The following CTTNBP2NL variants were observed in gnomAD, a reference collection of about 807,000 sequenced individuals.
CTTNBP2NL encodes CTTNBP2 N-terminal-like protein.
CTTNBP2NL carries 16 observed loss-of-function variants against 32.5 expected under a neutral mutation model. The ratio of observed to expected loss-of-function variants is 0.49; its 90% confidence interval spans 0.33 to 0.75. CTTNBP2NL has a LOEUF of 0.75. CTTNBP2NL is among the 30% of genes least tolerant of loss of function. The pLI is 0.02. For missense variants in CTTNBP2NL, 645 were observed against 756.0 expected (o/e 0.85, Z 1.72); for synonymous variants, 298 against 289.4 (o/e 1.03, Z -0.30).
At chr1:112,411,411 A>G (rs1382009824) in intron 1 of CTTNBP2NL, among the ~76,000 whole-genome samples, 7 of 152,252 alleles carry the variant, frequency 4.6e-5, no homozygotes, top group East Asian at 1.9e-4. Context: ...AAAAAATTAC[A>G]TATAATTTAA....
chr1:112,435,032 A>G (rs889501670), intron 3 of CTTNBP2NL, among the ~76,000 whole-genome samples: 1 of 150,986 alleles, frequency 6.6e-6, no homozygotes, highest in Non-Finnish European at 1.5e-5. Flanking sequence ...AATCCCAGCT[A>G]CTCTGGAGGC....
At chr1:112,399,711 C>G (rs1027899480) in intron 1 of CTTNBP2NL, among the ~76,000 whole-genome samples, 1 of 152,164 alleles carries the variant, frequency 6.6e-6, no homozygotes. Flanking sequence ...GAAATTTGTT[C>G]AGTCTATGCT....
chr1:112,403,585 T>G (rs1232097910), intron 1 of CTTNBP2NL, among the ~76,000 whole-genome samples: 1 of 152,212 alleles, frequency 6.6e-6, no homozygotes, highest in African/African-American at 2.4e-5. Flanking sequence ...TGCATTTAAT[T>G]TAATGTAAAA....
At chr1:112,424,645 A>G (rs544173998) in intron 3 of CTTNBP2NL, among the ~76,000 whole-genome samples, 2 of 152,312 alleles carry the variant, frequency 1.3e-5, no homozygotes, top group East Asian at 3.9e-4. Flanking sequence ...TTTTCGATCC[A>G]TGAATATGCT....
At chr1:112,451,804 A>C (rs1650228387) in intron 4 of CTTNBP2NL, among the ~76,000 whole-genome samples, 1 of 151,548 alleles carries the variant, frequency 6.6e-6, no homozygotes, top group Non-Finnish European at 1.5e-5. Flanking sequence ...AACAAACAAA[A>C]AAACAGGCTT....
chr1:112,450,001 G>T (rs1650170732), intron 4 of CTTNBP2NL, among the ~76,000 whole-genome samples: 1 of 152,138 alleles, frequency 6.6e-6, no homozygotes. Context: ...AAGATGCTTG[G>T]CTACAATCTT....
At chr1:112,398,088 C>G (rs1435007597) in intron 1 of CTTNBP2NL, among the ~76,000 whole-genome samples, 1 of 152,104 alleles carries the variant, frequency 6.6e-6, no homozygotes, top group Non-Finnish European at 1.5e-5. Context: ...GCAGAAAAAA[C>G]TAAAAGCAGA....
Position 112,407,840 on chromosome 1 carries a change from C to CTTTTTTTTTTTTTTTTTTT in CTTNBP2NL, c.-133-4350_-133-4332dup, listed in dbSNP as rs869134559. On this transcript the variant is annotated intron_variant, in intron 1 of 5. Transcript: ENST00000271277. ...ACAAAAACGGCTTTCTTTTTTCTTT[C>CTTTTTTTTTTTTTTTTTTT]TTTTTTTTTTTTTTTTTTTTTTGAG... Among the ~76,000 whole-genome samples the CTTTTTTTTTTTTTTTTTTT allele has an allele frequency of 4.0e-4, 38 of 96,064 alleles. 2 individuals are homozygous for CTTTTTTTTTTTTTTTTTTT. Among genetic ancestry groups the CTTTTTTTTTTTTTTTTTTT allele is most frequent in the East Asian group, 9.5e-4 (3 of 3,174 alleles). 63.0% of individuals were successfully genotyped at this position (96,064 alleles called of 152,430 possible).
chr1:112,460,401 G>C lies in CTTNBP2NL; in HGVS notation c.*2989G>C, dbSNP rs935176191. On this transcript the variant is annotated 3_prime_UTR_variant, in exon 6 of 6. Transcript: ENST00000271277. ...AGACTCCATAAGGAACTAAGACATT[G>C]ATTTTCTTTAGAGTCTTAGAGCTGG... The C allele has an allele frequency of 1.3e-5, 2 of 152,130 alleles. No individual in the cohort carries two copies. Among genetic ancestry groups the C allele is most frequent in the African/African-American group, 4.8e-5 (2 of 41,414 alleles). 9.4% of individuals were successfully genotyped at this position (152,130 alleles called of 1,614,324 possible).
At chr1:112,392,843 C>A (rs910851255), upstream of CTTNBP2NL, among the ~76,000 whole-genome samples, 1 of 113,196 alleles carries the variant, frequency 8.8e-6, no homozygotes. Flanking sequence ...CTTGTCAACA[C>A]CCTGATTTTT....
At chr1:112,421,879 G>A (rs970336840) in intron 3 of CTTNBP2NL, among the ~76,000 whole-genome samples, 1 of 152,092 alleles carries the variant, frequency 6.6e-6, no homozygotes, top group Non-Finnish European at 1.5e-5. Context: ...GAAATACAGG[G>A]ATAATGCAGA....
At chr1:112,414,335 G>T (rs1648994223) in intron 2 of CTTNBP2NL, among the ~76,000 whole-genome samples, 1 of 152,222 alleles carries the variant, frequency 6.6e-6, no homozygotes, top group African/African-American at 2.4e-5. Context: ...CTGCATTCCA[G>T]CCTGGGCAAC....
chr1:112,400,964 A>C (rs1648480408), intron 1 of CTTNBP2NL, among the ~76,000 whole-genome samples: 1 of 99,654 alleles, frequency 1.0e-5, no homozygotes, highest in African/African-American at 5.7e-5. Context: ...AGACTCTGTC[A>C]CCAAAAAAAA....
intron 1 of CTTNBP2NL, among the ~76,000 whole-genome samples, chr1:112,408,220 AT>A (rs397981257): frequency 0.032 from 3,326 of 103,692 alleles, 80 homozygotes; most frequent in African/African-American, 0.12. Context: ...TTTTTTTTTA[AT>A]TTTTTTTTTT....
chr1:112,401,667 T>C (rs1648505557), intron 1 of CTTNBP2NL, among the ~76,000 whole-genome samples: 1 of 151,948 alleles, frequency 6.6e-6, no homozygotes, highest in African/African-American at 2.4e-5. Flanking sequence ...GAAGAAAACA[T>C]GGATAGGGGA....
At chr1:112,426,805 C>A (rs1161725599) in intron 3 of CTTNBP2NL, among the ~76,000 whole-genome samples, 1 of 151,978 alleles carries the variant, frequency 6.6e-6, no homozygotes, top group Non-Finnish European at 1.5e-5. Context: ...AAGGTTTCAC[C>A]ATATTGGCCA....
chr1:112,403,104 T>C lies in CTTNBP2NL; in HGVS notation c.-134+6832T>C, dbSNP rs1648552948. ...ATTCTTAAATAACTAAGTAAATTCT[T>C]TTTAATGTCTCTTTTGTCAGTCTCT... On this transcript the variant is annotated intron_variant, in intron 1 of 5. Coordinates refer to ENST00000271277, the MANE Select transcript of CTTNBP2NL (RefSeq NM_018704.3). Among the ~76,000 whole-genome samples the C allele has an allele frequency of 2.0e-5, 3 of 152,196 alleles. 1 individual carries two copies. The highest frequency in any genetic ancestry group is 4.1e-4 in the South Asian group (2 of 4,830).
intron 4 of CTTNBP2NL, among the ~76,000 whole-genome samples, chr1:112,451,587 C>T (rs1026668666): frequency 1.3e-5 from 2 of 151,390 alleles, no homozygotes; most frequent in Non-Finnish European, 2.9e-5. Flanking sequence ...GGCCAGCCAA[C>T]ATGGTGAAAC....
chr1:112,391,231 C>T (rs868404148), upstream of CTTNBP2NL, among the ~76,000 whole-genome samples: 21 of 152,340 alleles, frequency 1.4e-4, no homozygotes, highest in African/African-American at 4.1e-4. Flanking sequence ...TTGGAGAGCC[C>T]TCTCTGGCTT....
Sources: allele counts gnomAD v4.1 joint callset (sites outside exome capture counted in the v4.1 genomes callset), GRCh38; gene constraint gnomAD v4.1.1; transcripts MANE v1.5; gene names NCBI Gene and HGNC (gene_info 2026-07-23, HGNC 2026-07-21).